The following SH3KBP1 variants were observed in gnomAD, a reference collection of about 807,000 sequenced individuals.
SH3KBP1 encodes the protein SH3 domain-containing kinase-binding protein 1.
In SH3KBP1, 8 loss-of-function variants were observed where a neutral mutation model predicts 50.1. The observed-to-expected ratio is 0.16, with a 90% CI of 0.09 to 0.29. The LOEUF is 0.29. Ranked by LOEUF, SH3KBP1 falls within the 10% of genes least tolerant of loss-of-function variation. The pLI, the probability that SH3KBP1 is intolerant of heterozygous loss-of-function variation, is 1.00. For synonymous variants in SH3KBP1, 227 were observed against 218.6 expected, an observed-to-expected ratio of 1.04 and a Z score of -0.34; for missense variants, 377 against 535.2, an observed-to-expected ratio of 0.70 and a Z score of 2.92.
chrX:19,590,320 G>C (rs1242532202), intron 11 of SH3KBP1, among the ~76,000 whole-genome samples: 12 of 111,217 alleles, frequency 1.1e-4, no homozygotes, highest in Non-Finnish European at 3.8e-5. Context: ...TGGATGAATG[G>C]AAAAGGGAGT....
At chrX:19,827,781 CTTTTTT>C (rs138898288) in intron 2 of SH3KBP1, among the ~76,000 whole-genome samples, 1 of 36,222 alleles carries the variant, frequency 2.8e-5, no homozygotes, top group East Asian at 8.8e-4. Flanking sequence ...GAAGTGCAGT[CTTTTTT>C]TTTTTTTTTT....
At chrX:19,783,930 T>C (rs1285440874) in intron 2 of SH3KBP1, among the ~76,000 whole-genome samples, 1 of 111,590 alleles carries the variant, frequency 9.0e-6, no homozygotes, top group Non-Finnish European at 1.9e-5. Flanking sequence ...GAACTCAATT[T>C]CCAAAAAACC....
intron 2 of SH3KBP1, among the ~76,000 whole-genome samples, chrX:19,833,165 G>A (rs917809390): frequency 6.4e-5 from 7 of 108,952 alleles, no homozygotes; most frequent in Non-Finnish European, 1.3e-4. Context: ...CCTTCCCACG[G>A]TCCTCCTCTC....
intron 1 of SH3KBP1, among the ~76,000 whole-genome samples, chrX:19,858,592 T>C (rs1218902180): frequency 3.6e-5 from 4 of 112,330 alleles, no homozygotes; most frequent in Non-Finnish European, 7.5e-5. Flanking sequence ...CATGCCACTA[T>C]ACTCCGGCCT....
intron 2 of SH3KBP1, among the ~76,000 whole-genome samples, chrX:19,772,856 G>A (rs1192885678): frequency 8.9e-6 from 1 of 111,797 alleles, no homozygotes; most frequent in Non-Finnish European, 1.9e-5. Context: ...ACAAGATCAT[G>A]AGAAAACCTG....
rs1181587402 is a variant in SH3KBP1, at chrX:19,542,088, A to G, written c.1729T>C (p.Ser577Pro). ...SSAAPSPLSS[S>P]LGTAGHRANS... Reference sequence around the variant, plus strand: ...GCTCTGTGTCCAGCTGTTCCCAAAGAGGATGACAGGGGGGAGGGCGCCGCT... The same window carrying G: ...GCTCTGTGTCCAGCTGTTCCCAAAGGGGATGACAGGGGGGAGGGCGCCGCT... Residue 577 changes from serine (S) to proline (P), a missense_variant, in exon 16 of 18, where the codon TCT becomes CCT. Physicochemically the swap from Ser to Pro is moderately conservative, Grantham distance 74. Transcript: ENST00000397821. 8.3e-7 allele frequency: 1 copy of G among 1,210,056 alleles called. No individual in the cohort carries two copies. The highest frequency in any genetic ancestry group is 1.1e-6 in the Non-Finnish European group (1 of 895,142).
intron 8 of SH3KBP1, among the ~76,000 whole-genome samples, chrX:19,620,983 A>T: frequency 1.1e-5 from 1 of 91,276 alleles, no homozygotes; most frequent in African/African-American, 4.1e-5. Context: ...GTCCATTTTG[A>T]GTTAAATTTG....
At chrX:19,572,793 C>T (rs965276906) in intron 12 of SH3KBP1, among the ~76,000 whole-genome samples, 6 of 111,826 alleles carry the variant, frequency 5.4e-5, no homozygotes, top group East Asian at 2.8e-4. Flanking sequence ...GCCATCTGAA[C>T]GATGTTTATA....
At chrX:19,772,404 G>A (rs73461649) in intron 2 of SH3KBP1, among the ~76,000 whole-genome samples, 2,680 of 111,006 alleles carry the variant, frequency 0.024, 86 homozygotes, top group African/African-American at 0.083. Flanking sequence ...AGAAAGAAAT[G>A]GAAGGAGGGA....
chrX:19,644,986 A>G (rs907253777), intron 7 of SH3KBP1, among the ~76,000 whole-genome samples: 2 of 111,727 alleles, frequency 1.8e-5, no homozygotes, highest in African/African-American at 6.5e-5. Flanking sequence ...ACCAGTGGGA[A>G]GTCAAGGGTA....
intron 3 of SH3KBP1, among the ~76,000 whole-genome samples, chrX:19,742,659 A>G (rs980565729): frequency 1.8e-5 from 2 of 111,530 alleles, no homozygotes; most frequent in African/African-American, 6.5e-5. Context: ...CTTTTTTAAA[A>G]AAGTCTCTAT....
intron 7 of SH3KBP1, among the ~76,000 whole-genome samples, chrX:19,642,009 T>A (rs191351507): frequency 9.1e-6 from 1 of 110,103 alleles, no homozygotes; most frequent in East Asian, 2.9e-4. Context: ...CACAACTAAT[T>A]TTTTCTATTT....
chrX:19,805,525 T>TAAA (rs776692061), intron 2 of SH3KBP1, among the ~76,000 whole-genome samples: 2 of 76,440 alleles, frequency 2.6e-5, no homozygotes, highest in African/African-American at 4.9e-5. Flanking sequence ...GGCTGCATAT[T>TAAA]AAAAAAAAAA....
chrX:19,831,117 T>C (rs945548088), intron 2 of SH3KBP1, among the ~76,000 whole-genome samples: 3 of 112,181 alleles, frequency 2.7e-5, no homozygotes, highest in Non-Finnish European at 5.6e-5. Context: ...ATCTGCTAAA[T>C]GAATCAAGAA....
intron 2 of SH3KBP1, among the ~76,000 whole-genome samples, chrX:19,785,250 T>C (rs1166216184): frequency 1.8e-5 from 2 of 110,164 alleles, no homozygotes; most frequent in African/African-American, 3.3e-5. Flanking sequence ...GTCAAAGTAT[T>C]TGGTATAAGA....
chrX:19,744,621 C>T lies in SH3KBP1; in HGVS notation c.286+1697G>A, dbSNP rs938133732. 5.4e-5 allele frequency among the ~76,000 whole-genome samples: 6 copies of T among 112,127 alleles called. No individual in the cohort carries two copies. In the Admixed American group the frequency reaches 5.7e-4, roughly 11 times the overall value. On this transcript the variant is annotated intron_variant, in intron 3 of 17. Coordinates refer to ENST00000397821, the MANE Select transcript of SH3KBP1 (RefSeq NM_031892.3). ...CCGGCAGATTCCACATATAAAATGC[C>T]TCAGAATGAAAGGTTGGCCATAACC...
At chrX:19,754,009 T>C (rs2148838309) in intron 2 of SH3KBP1, among the ~76,000 whole-genome samples, 1 of 112,498 alleles carries the variant, frequency 8.9e-6, no homozygotes, top group African/African-American at 3.2e-5. Flanking sequence ...AATATTCTGA[T>C]GGTATTTTCA....
At chrX:19,636,718 T>C (rs762899215) in intron 7 of SH3KBP1, among the ~76,000 whole-genome samples, 1 of 111,265 alleles carries the variant, frequency 9.0e-6, no homozygotes, top group Non-Finnish European at 1.9e-5. Context: ...CCCTCTCAGC[T>C]TAAAAAAAAA....
intron 1 of SH3KBP1, among the ~76,000 whole-genome samples, chrX:19,850,962 A>C: frequency 9.1e-6 from 1 of 110,325 alleles, no homozygotes; most frequent in Non-Finnish European, 1.9e-5. Flanking sequence ...TGGGTTCCTC[A>C]CCCAGAGATG....
Sources: gnomAD v4.1 joint callset for allele counts (sites outside exome capture counted in the v4.1 genomes callset) on GRCh38, gnomAD v4.1.1 for gene constraint, MANE v1.5 for transcripts, NCBI Gene and HGNC (gene_info 2026-07-23, HGNC 2026-07-21) for gene names.